The following GNAL variants were observed in gnomAD, a reference collection of about 807,000 sequenced individuals.
The protein encoded by GNAL is G protein subunit alpha L, also known as guanine nucleotide-binding protein G(olf) subunit alpha.
GNAL carries 18 observed loss-of-function variants against 55.1 expected under a neutral mutation model. That is an observed-to-expected ratio of 0.33 (90% CI 0.23 to 0.48). GNAL has a LOEUF of 0.48. Among genes scored for constraint, GNAL ranks in the 20% least tolerant of loss-of-function variants. The pLI is 0.99. For missense variants in GNAL, 412 were observed against 614.1 expected, an observed-to-expected ratio of 0.67 and a Z score of 3.48; for synonymous variants, 253 against 237.0, an observed-to-expected ratio of 1.07 and a Z score of -0.62.
intron 5 of GNAL, among the ~76,000 whole-genome samples, chr18:11,844,749 A>G (rs918032713): frequency 1.3e-5 from 2 of 151,626 alleles, no homozygotes; most frequent in African/African-American, 4.9e-5. Flanking sequence ...TGTTCCCATC[A>G]TGAACAGAAG....
Position 11,753,664 on chromosome 18 carries a change from T to C in GNAL, c.486T>C (p.Asn162=). 1 of 1,600,416 alleles carries C rather than the reference T, an allele frequency of 6.2e-7. No individual in the cohort carries two copies. Among genetic ancestry groups the C allele is most frequent in the Non-Finnish European group, 8.6e-7 (1 of 1,167,666 alleles). ...KKQKILDIRK[N]VKDAIVTIVS... ...AGAAAATTCTGGACATCCGGAAAAA[T>C]GTTAAAGATGCTATCGTGGTAAGGA... The change falls in exon 3 of 12, where the codon AAT becomes AAC. Residue 162 remains asparagine, a synonymous_variant. Coordinates refer to ENST00000334049, the MANE Select transcript of GNAL (RefSeq NM_182978.4).
At chr18:11,870,256 C>T (rs1211554699) in intron 9 of GNAL, among the ~76,000 whole-genome samples, 3 of 152,050 alleles carry the variant, frequency 2.0e-5, no homozygotes, top group South Asian at 2.1e-4. Flanking sequence ...AACAGTGGCT[C>T]ATGCCTGTAA....
chr18:11,797,046 G>C (rs543861127), intron 4 of GNAL, among the ~76,000 whole-genome samples: 23 of 152,140 alleles, frequency 1.5e-4, no homozygotes, highest in African/African-American at 5.5e-4. Flanking sequence ...CCTCTGCCAC[G>C]CGGGCTCAAG....
chr18:11,852,608 T>G (rs1260701591), intron 5 of GNAL: 1 of 26,080 alleles, frequency 3.8e-5, no homozygotes, highest in Admixed American at 1.2e-3. Context: ...TGGGTTTTGG[T>G]TTTTGTTTTT....
chr18:11,760,046 A>G (rs181306121), intron 4 of GNAL, among the ~76,000 whole-genome samples: 124 of 152,056 alleles, frequency 8.2e-4, no homozygotes, highest in African/African-American at 2.2e-3. Flanking sequence ...GCCATCAGAA[A>G]ATGATGGGGC....
At chr18:11,711,858 G>T (rs1206556376) in intron 1 of GNAL, among the ~76,000 whole-genome samples, 1 of 152,196 alleles carries the variant, frequency 6.6e-6, no homozygotes, top group Non-Finnish European at 1.5e-5. Context: ...TATGGCTTTA[G>T]CAGGGAAAGA....
chr18:11,872,184 C>A, intron 9 of GNAL, 84 bp from the exon 10 acceptor site: 1 of 823,836 alleles, frequency 1.2e-6, no homozygotes, highest in South Asian at 1.7e-5. Flanking sequence ...CGATGGTATT[C>A]TTTTAATTTA....
intron 1 of GNAL, among the ~76,000 whole-genome samples, chr18:11,696,693 T>C (rs1224880618): frequency 2.6e-5 from 4 of 152,208 alleles, no homozygotes; most frequent in African/African-American, 7.2e-5. Flanking sequence ...GGATTTATCT[T>C]GTTCTTTCAC....
chr18:11,730,379 C>T (rs1037845268), intron 1 of GNAL, among the ~76,000 whole-genome samples: 3 of 151,586 alleles, frequency 2.0e-5, no homozygotes, highest in Non-Finnish European at 2.9e-5. Context: ...ACGCTGGTCT[C>T]GAACTCCTGA....
In GNAL at chr18:11,883,046, T is replaced by C. The variant is rs2036749523; in HGVS notation, c.*1911T>C. The C allele has an allele frequency of 1.4e-5, 1 of 70,032 alleles. No homozygotes were observed. The highest frequency in any genetic ancestry group is 4.1e-5 in the Non-Finnish European group (1 of 24,566). The allele number at this position is 70,032 out of a possible 1,614,324, so 4.3% of individuals were successfully genotyped here. A position where few individuals can be genotyped will look rare whatever the true frequency, so the allele number is the denominator to read the frequency against. On this transcript the variant is annotated 3_prime_UTR_variant, in exon 12 of 12. Transcript: ENST00000334049. The stretch of plus-strand genomic sequence containing the variant: ...AGAAGTGACAGCCTACATTACTTCA[T>C]TATTACTCTTCTTTTAGTCTTTAGT...
intron 5 of GNAL, among the ~76,000 whole-genome samples, chr18:11,839,841 C>T (rs941739708): frequency 4.6e-5 from 7 of 152,182 alleles, no homozygotes; most frequent in Admixed American, 3.3e-4. Context: ...GCACTTCCTT[C>T]GTCCCAGTGA....
At position 11,752,604 on chromosome 18, in the gene GNAL, T is replaced by C. The variant is rs2032888436; in HGVS notation, c.377-249T>C. 4 of 1,570,944 alleles carry C rather than the reference T, an allele frequency of 2.5e-6. No homozygotes were observed. The highest frequency in any genetic ancestry group is 1.9e-5 in the Admixed American group (1 of 52,022). On this transcript the variant is annotated intron_variant, in intron 1 of 11. Transcript: ENST00000334049. The surrounding 1 kb of genome is among the most constrained non-coding windows in gnomAD (Gnocchi z 4.5). ...GTAAGGCCGAGGGGCGCGCGGCGGC[T>C]CCCGGCCCCAGCGGAGCGCACAGCC... is the stretch of plus-strand genomic sequence containing the variant.
intron 1 of GNAL, among the ~76,000 whole-genome samples, chr18:11,739,208 A>C (rs113208529): frequency 3.9e-5 from 6 of 152,244 alleles, no homozygotes; most frequent in African/African-American, 1.4e-4. Flanking sequence ...ACTTAGAAAA[A>C]AGTTGCAAGA....
chr18:11,830,195 T>C (rs1391107365), intron 5 of GNAL, among the ~76,000 whole-genome samples: 1 of 151,838 alleles, frequency 6.6e-6, no homozygotes, highest in Non-Finnish European at 1.5e-5. Flanking sequence ...CCATTTTCTT[T>C]ACATCTAAAT....
At position 11,751,820 on chromosome 18, in the gene GNAL, C is replaced by G. The variant is rs2032844828; in HGVS notation, c.377-1033C>G. 4.8e-6 allele frequency: 1 copy of G among 207,224 alleles called. No homozygotes were observed. Among genetic ancestry groups the G allele is most frequent in the Non-Finnish European group, 8.4e-6 (1 of 118,444 alleles). The allele number at this position is 207,224 out of a possible 1,614,324, so 12.8% of individuals were successfully genotyped here. A position where few individuals can be genotyped will look rare whatever the true frequency, so the allele number is the denominator to read the frequency against. Reference sequence around the variant, plus strand: ...GCGGCCCGGCCGCCCCCAAAGCCAGCCTCCCTCTCCCTTCCCCGCACCGGG... The same window carrying G: ...GCGGCCCGGCCGCCCCCAAAGCCAGGCTCCCTCTCCCTTCCCCGCACCGGG... On this transcript the variant is annotated intron_variant, in intron 1 of 11. Coordinates refer to ENST00000334049, the MANE Select transcript of GNAL (RefSeq NM_182978.4). This position sits in a 1 kb window ranked among gnomAD's most constrained non-coding sequence, Gnocchi z 4.5.
intron 1 of GNAL, among the ~76,000 whole-genome samples, chr18:11,709,436 G>A (rs191965330): frequency 1.2e-4 from 18 of 150,290 alleles, no homozygotes; most frequent in African/African-American, 4.1e-4. Flanking sequence ...CTTCCAATTT[G>A]TGAACATGGG....
At chr18:11,825,761 C>CAA in intron 5 of GNAL, among the ~76,000 whole-genome samples, 1 of 141,428 alleles carries the variant, frequency 7.1e-6, no homozygotes, top group Non-Finnish European at 1.5e-5. Flanking sequence ...GAAAAGGACA[C>CAA]TTGGTGCCAG....
At position 11,806,012 on chromosome 18, in the gene GNAL, T is replaced by C. The variant is rs9956829; in HGVS notation, c.625-18906T>C. ...TCTCTCCATCCTCCCCAGCATGTTA[T>C]TTTTTTGTCTTTTTAGTAATAGCCA... On this transcript the variant is annotated intron_variant, in intron 4 of 11. Transcript: ENST00000334049. 1.7e-3 allele frequency among the ~76,000 whole-genome samples: 255 copies of C among 152,256 alleles called. 1 individual carries two copies. Among genetic ancestry groups the C allele is most frequent in the African/African-American group, 5.9e-3 (246 of 41,556 alleles).
At chr18:11,874,647 T>C (rs1270349749) in intron 10 of GNAL, among the ~76,000 whole-genome samples, 2 of 123,306 alleles carry the variant, frequency 1.6e-5, no homozygotes, top group African/African-American at 8.3e-5. Context: ...AGACTTAGTC[T>C]CAAGAAAAAA....
Sources: gnomAD v4.1 joint callset for allele counts (sites outside exome capture counted in the v4.1 genomes callset) on GRCh38, gnomAD v4.1.1 for gene constraint, Gnocchi (gnomAD v3.1) non-coding constraint, MANE v1.5 for transcripts, NCBI Gene and HGNC (gene_info 2026-07-23, HGNC 2026-07-21) for gene names.